EXD2: variants seen among roughly 807,000 people sequenced by gnomAD.
The protein encoded by EXD2 is exonuclease 3'-5' domain containing 2, also known as exonuclease 3'-5' domain-containing protein 2.
A neutral mutation model predicts 62.5 loss-of-function variants in EXD2; 40 were observed. That is an observed-to-expected ratio of 0.64 (90% confidence interval 0.50 to 0.83). The LOEUF (loss-of-function observed/expected upper bound fraction) is 0.83, where lower values mean the gene tolerates loss of function less well. Among genes scored for constraint, EXD2 ranks in the 40% least tolerant of loss-of-function variants. The pLI, the probability that EXD2 is intolerant of heterozygous loss-of-function variation, is 0.00. For synonymous variants in EXD2, 239 were observed against 291.9 expected (o/e 0.82, Z 1.85); for missense variants, 671 against 761.8 (o/e 0.88, Z 1.40).
intron 2 of EXD2, among the ~76,000 whole-genome samples, chr14:69,204,596 A>G (rs972561933): frequency 1.3e-5 from 2 of 152,188 alleles, no homozygotes; most frequent in Non-Finnish European, 2.9e-5. Context: ...TATATAAAAA[A>G]CTTAAGAATG....
intron 5 of EXD2, among the ~76,000 whole-genome samples, chr14:69,233,525 C>T (rs2043661515): frequency 6.6e-6 from 1 of 151,842 alleles, no homozygotes; most frequent in Admixed American, 6.6e-5. Flanking sequence ...CTCCTGGGTT[C>T]AAGCCCCAGG....
At chr14:69,224,478 A>T (rs1012721828) in intron 3 of EXD2, among the ~76,000 whole-genome samples, 75 of 152,134 alleles carry the variant, frequency 4.9e-4, no homozygotes, top group Non-Finnish European at 1.0e-3. Context: ...GGGGACACAG[A>T]TCCAAACTAT....
chr14:69,208,559 C>G lies in EXD2; in HGVS notation c.-47-865C>G, dbSNP rs112060323. On this transcript the variant is annotated intron_variant, in intron 2 of 9. Coordinates refer to ENST00000685843, the MANE Select transcript of EXD2 (RefSeq NM_001193360.2). The stretch of plus-strand genomic sequence containing the variant: ...CACTTTTACTGTTATTTTAATAGAA[C>G]AGAAATAGTGCTGTATACTCATTTC... Among the ~76,000 whole-genome samples, 1,058 of 152,326 alleles carry G rather than the reference C, an allele frequency of 6.9e-3. 14 individuals carry two copies. The highest frequency in any genetic ancestry group is 0.024 in the African/African-American group (996 of 41,578).
At chr14:69,198,553 C>T (rs58992617) in intron 1 of EXD2, among the ~76,000 whole-genome samples, 1 of 152,186 alleles carries the variant, frequency 6.6e-6, no homozygotes, top group African/African-American at 2.4e-5. Context: ...CCTGTATCTA[C>T]TCATTCCAGC....
At chr14:69,200,129 TG>T (rs1164093471) in intron 1 of EXD2, among the ~76,000 whole-genome samples, 51 of 152,358 alleles carry the variant, frequency 3.3e-4, no homozygotes, top group African/African-American at 1.1e-3. Flanking sequence ...AACTATTGTA[TG>T]TGTCATCTGT....
At chr14:69,235,906 T>A (rs2043766954) in intron 6 of EXD2, 140 bp from the exon 7 acceptor site, 5 of 746,250 alleles carry the variant, frequency 6.7e-6, no homozygotes, top group Non-Finnish European at 1.2e-5. Flanking sequence ...GGTTTCTCAC[T>A]CTGTTTTTTC....
intron 3 of EXD2, among the ~76,000 whole-genome samples, chr14:69,225,748 A>T (rs1227574550): frequency 6.6e-6 from 1 of 152,184 alleles, no homozygotes; most frequent in Non-Finnish European, 1.5e-5. Context: ...GACATTAGAA[A>T]GCAAAAAGGG....
chr14:69,231,517 A>G (rs562497090), intron 5 of EXD2, among the ~76,000 whole-genome samples: 48 of 152,234 alleles, frequency 3.2e-4, no homozygotes, highest in Non-Finnish European at 6.5e-4. Context: ...CACATAGTAA[A>G]CTGCAGTTAC....
Position 69,209,496 on chromosome 14 carries a change from T to C in EXD2, c.26T>C (p.Leu9Ser). The change falls in exon 3 of 10, where the codon TTG becomes TCG. Residue 9 changes from leucine to serine, a missense_variant. Transcript: ENST00000685843. ...ATGTCTAGACAGAACTTAGTGGCTT[T>C]GACAGTGACTACCCTTCTGGGTGTG... MSRQNLVA[L>S]TVTTLLGVAV... 8 of 1,544,804 alleles carry C rather than the reference T, an allele frequency of 5.2e-6. No homozygotes were observed. Among genetic ancestry groups the C allele is most frequent in the Non-Finnish European group, 6.1e-6 (7 of 1,144,228 alleles).
Position 69,236,557 on chromosome 14 carries a change from G to A in EXD2, c.1292+15G>A, listed in dbSNP as rs760671586. ...TCCTACATTCGGTGAGTGCAGCATT[G>A]GGCCACCCTGGTTGTCTGTGGCAGA... On this transcript the variant is annotated intron_variant, in intron 8 of 9. Transcript: ENST00000685843. The A allele has an allele frequency of 6.2e-6, 10 of 1,613,960 alleles. No individual in the cohort carries two copies. The highest frequency in any genetic ancestry group is 8.5e-6 in the Non-Finnish European group (10 of 1,179,942).
At chr14:69,219,640 A>G (rs538132742) in intron 3 of EXD2, among the ~76,000 whole-genome samples, 2 of 152,292 alleles carry the variant, frequency 1.3e-5, no homozygotes, top group Non-Finnish European at 2.9e-5. Flanking sequence ...GAGATTTTAA[A>G]CATTTTTCTG....
intron 2 of EXD2, among the ~76,000 whole-genome samples, chr14:69,205,515 A>G (rs1418236950): frequency 6.6e-6 from 1 of 152,048 alleles, no homozygotes; most frequent in African/African-American, 2.4e-5. Context: ...CATATCTAGA[A>G]TGTATATATT....
At chr14:69,223,953 G>A (rs2140288170) in intron 3 of EXD2, among the ~76,000 whole-genome samples, 1 of 152,176 alleles carries the variant, frequency 6.6e-6, no homozygotes, top group Admixed American at 6.5e-5. Context: ...AGGCCTCCAG[G>A]AGCTTTTACT....
chr14:69,239,530 C>T (rs2043913398), intron 9 of EXD2, among the ~76,000 whole-genome samples: 3 of 152,174 alleles, frequency 2.0e-5, no homozygotes, highest in Admixed American at 2.0e-4. Flanking sequence ...CTATATCTTG[C>T]AGCAAACCAG....
At position 69,193,328 on chromosome 14, in the gene EXD2, G is replaced by A. The variant is rs574685731; in HGVS notation, c.-132+1737G>A. ...CCTGCCTTGGCCTCCCGAAGTGATG[G>A]GATTACAGGCGTGAGCCACCGTGTC... On this transcript the variant is annotated intron_variant, in intron 1 of 9. Transcript: ENST00000685843. 6.4e-4 allele frequency among the ~76,000 whole-genome samples: 98 copies of A among 152,202 alleles called. No homozygotes were observed. The South Asian group carries it at 0.02, about 31-fold the overall frequency.
chr14:69,215,672 A>G (rs962920937), intron 3 of EXD2, among the ~76,000 whole-genome samples: 2 of 152,062 alleles, frequency 1.3e-5, no homozygotes, highest in African/African-American at 4.8e-5. Flanking sequence ...AATTTTATCC[A>G]TTCTGTTGGG....
At chr14:69,209,355 A>G in intron 2 of EXD2, 69 bp from the exon 3 acceptor site, 2 of 814,426 alleles carry the variant, frequency 2.5e-6, no homozygotes, top group East Asian at 6.1e-5. Context: ...GGCATTTTTT[A>G]GAGGAAAACT....
At chr14:69,198,502 T>C (rs1216986081) in intron 1 of EXD2, among the ~76,000 whole-genome samples, 1 of 152,224 alleles carries the variant, frequency 6.6e-6, no homozygotes, top group Non-Finnish European at 1.5e-5. Context: ...TTATTTGCTC[T>C]CCAGTGTCCT....
At chr14:69,234,552 A>G in intron 5 of EXD2, 148 bp from the exon 6 acceptor site, 1 of 626,634 alleles carries the variant, frequency 1.6e-6, no homozygotes, top group Non-Finnish European at 2.7e-6. Flanking sequence ...TTTTATAATA[A>G]GAAGTTTTAA....
Sources: gnomAD v4.1 joint callset for allele counts (sites outside exome capture counted in the v4.1 genomes callset) on GRCh38, gnomAD v4.1.1 for gene constraint, MANE v1.5 for transcripts, NCBI Gene and HGNC (gene_info 2026-07-23, HGNC 2026-07-21) for gene names.